Variants in PCDH15 observed in about 807,000 individuals in gnomAD.
The protein encoded by PCDH15 is protocadherin related 15.
In PCDH15, 129 loss-of-function variants were observed where a neutral mutation model predicts 178.5. The observed-to-expected ratio is 0.72, with a 90% CI of 0.63 to 0.84. The LOEUF (loss-of-function observed/expected upper bound fraction) is 0.84, where lower values mean the gene tolerates loss of function less well. Ranked by LOEUF, PCDH15 falls within the 40% of genes least tolerant of loss-of-function variation. The pLI is 0.00. For missense variants in PCDH15, 2,230 were observed against 2,099.9 expected (o/e 1.06, Z -1.21); for synonymous variants, 800 against 732.0 (o/e 1.09, Z -1.50).
chr10:54,795,950 C>T (rs935671102), intron 1 of PCDH15, among the ~76,000 whole-genome samples: 6 of 151,846 alleles, frequency 4.0e-5, no homozygotes, highest in African/African-American at 1.4e-4. Flanking sequence ...TGCTTGCATG[C>T]TTTATGTATG....
intron 2 of PCDH15, among the ~76,000 whole-genome samples, chr10:54,609,743 C>T (rs2092899715): frequency 6.6e-6 from 1 of 151,900 alleles, no homozygotes; most frequent in Non-Finnish European, 1.5e-5. Flanking sequence ...TTCTTAACCA[C>T]CTCCCTCTCC....
chr10:54,329,113 T>TAAATGATAGCC lies in PCDH15; in HGVS notation c.705+472_705+482dup, dbSNP rs1462442955. 2.0e-5 allele frequency among the ~76,000 whole-genome samples: 3 copies of TAAATGATAGCC among 151,870 alleles called. No individual in the cohort carries two copies. The East Asian group carries it at 5.8e-4, about 29-fold the overall frequency. On this transcript the variant is annotated intron_variant, in intron 7 of 37. Coordinates refer to ENST00000644397, the MANE Select transcript of PCDH15 (RefSeq NM_001384140.1). ...TGATATCTAGTGAACAATTACTCAATAAATGATAGCCATGAGGAAGAACAC... is the reference window on the plus strand; with the variant it reads ...TGATATCTAGTGAACAATTACTCAATAAATGATAGCCAAATGATAGCCATGAGGAAGAACAC...
intron 8 of PCDH15, among the ~76,000 whole-genome samples, chr10:54,286,229 C>T (rs2059018335): frequency 6.6e-6 from 1 of 152,096 alleles, no homozygotes; most frequent in Admixed American, 6.6e-5. Flanking sequence ...AAAATGATAA[C>T]TGTGTGAGAT....
intron 8 of PCDH15, among the ~76,000 whole-genome samples, chr10:54,239,571 A>G (rs191732330): frequency 6.6e-5 from 10 of 152,104 alleles, no homozygotes; most frequent in African/African-American, 2.4e-4. Flanking sequence ...TATTTTACAT[A>G]AAGCCATTTG....
intron 3 of PCDH15, among the ~76,000 whole-genome samples, chr10:54,482,912 G>A (rs564097901): frequency 6.6e-6 from 1 of 151,824 alleles, no homozygotes; most frequent in Non-Finnish European, 1.5e-5. Context: ...ACTATGCAAG[G>A]AGTAAAATAT....
chr10:54,843,623 T>C (rs932372956), intron 3 of PCDH15, among the ~76,000 whole-genome samples: 1 of 152,046 alleles, frequency 6.6e-6, no homozygotes, highest in South Asian at 2.1e-4. Flanking sequence ...TGCTCAATTC[T>C]TATATTTTAA....
chr10:55,027,266 C>T (rs1449007436), intron 2 of PCDH15, among the ~76,000 whole-genome samples: 4 of 151,584 alleles, frequency 2.6e-5, no homozygotes, highest in African/African-American at 9.7e-5. Context: ...AGTTGGCAAT[C>T]AAAATATTAA....
intron 2 of PCDH15, among the ~76,000 whole-genome samples, chr10:55,071,184 A>G (rs7900907): frequency 6.6e-6 from 1 of 151,850 alleles, no homozygotes; most frequent in Admixed American, 6.6e-5. Context: ...GAAGAAACTG[A>G]ATCAACTAAT....
chr10:54,682,752 T>C lies in PCDH15; in HGVS notation c.-28-18462A>G, dbSNP rs1213590505. On this transcript the variant is annotated intron_variant, in intron 1 of 37. Coordinates refer to ENST00000644397, the MANE Select transcript of PCDH15 (RefSeq NM_001384140.1). ...AAATAGCTACCCATGTGTGTGTGCA[T>C]AGTGATGTCAGAAGTTCTTAACTGA... Among the ~76,000 whole-genome samples the C allele has an allele frequency of 2.7e-4, 41 of 152,142 alleles. 1 individual carries two copies. The highest frequency in any genetic ancestry group is 2.6e-3 in the Admixed American group (40 of 15,262).
intron 25 of PCDH15, among the ~76,000 whole-genome samples, chr10:53,906,300 T>C (rs2082678234): frequency 6.6e-6 from 1 of 152,168 alleles, no homozygotes; most frequent in South Asian, 2.1e-4. Context: ...AGTTGTTATG[T>C]ATCCCTCCTT....
chr10:54,470,543 C>G (rs965871249), intron 3 of PCDH15, among the ~76,000 whole-genome samples: 3 of 152,128 alleles, frequency 2.0e-5, no homozygotes, highest in African/African-American at 7.2e-5. Context: ...GGCACCCATT[C>G]TTAACTCCCT....
chr10:54,466,542 G>A (rs1247941929), intron 3 of PCDH15, among the ~76,000 whole-genome samples: 1 of 151,846 alleles, frequency 6.6e-6, no homozygotes. Context: ...CTGTATGTCT[G>A]TTTTTGTATC....
chr10:55,573,437 A>C (rs901657719), intron 2 of PCDH15, among the ~76,000 whole-genome samples: 5 of 152,132 alleles, frequency 3.3e-5, no homozygotes, highest in Non-Finnish European at 7.4e-5. Flanking sequence ...TTCTCTCAAC[A>C]TTGTAGTTTA....
At chr10:54,586,877 T>A (rs1252351001) in intron 2 of PCDH15, among the ~76,000 whole-genome samples, 1 of 152,152 alleles carries the variant, frequency 6.6e-6, no homozygotes, top group Non-Finnish European at 1.5e-5. Context: ...TGGGTATATT[T>A]TCAAATGAAT....
chr10:54,071,487 A>T (rs1017365178), intron 17 of PCDH15, among the ~76,000 whole-genome samples: 2 of 152,122 alleles, frequency 1.3e-5, no homozygotes, highest in African/African-American at 4.8e-5. Context: ...TTTTTTTATC[A>T]TTTAATTTTT....
At chr10:55,607,896 A>G (rs993766429) in intron 2 of PCDH15, among the ~76,000 whole-genome samples, 3 of 152,138 alleles carry the variant, frequency 2.0e-5, no homozygotes, top group African/African-American at 7.2e-5. Context: ...CTTAAAGTAT[A>G]ATAATAAAAA....
At position 55,195,024 on chromosome 10, in the gene PCDH15, T is replaced by A. The variant is rs796918632; in HGVS notation, c.-155-28373A>T. On this transcript the variant is annotated intron_variant, in intron 1 of 5. Coordinates refer to the PCDH15 transcript ENST00000458638. ...ACACACAAGACATGGAAGAAGAAAA[T>A]TTTTTTTTTTTTTTTTGGAGACGGA... Among the ~76,000 whole-genome samples, 65 of 111,236 alleles carry A rather than the reference T, an allele frequency of 5.8e-4. 1 individual carries two copies. The highest frequency in any genetic ancestry group is 1.9e-3 in the African/African-American group (59 of 31,436). The allele number at this position is 111,236 out of a possible 152,430, so 73.0% of individuals were successfully genotyped here. A position where few individuals can be genotyped will look rare whatever the true frequency, so the allele number is the denominator to read the frequency against.
chr10:55,138,762 C>A (rs561583497), intron 2 of PCDH15, among the ~76,000 whole-genome samples: 248 of 152,214 alleles, frequency 1.6e-3, no homozygotes, highest in African/African-American at 5.8e-3. Flanking sequence ...CAAAATTGTA[C>A]TGTGTCCTCC....
intron 2 of PCDH15, among the ~76,000 whole-genome samples, chr10:55,088,111 T>C (rs780741616): frequency 1.3e-5 from 2 of 152,134 alleles, no homozygotes; most frequent in Non-Finnish European, 2.9e-5. Flanking sequence ...ACACATAAAC[T>C]ACTCTTGTGT....
Sources: allele counts gnomAD v4.1 joint callset (sites outside exome capture counted in the v4.1 genomes callset), GRCh38; gene constraint gnomAD v4.1.1; transcripts MANE v1.5; gene names NCBI Gene and HGNC (gene_info 2026-07-23, HGNC 2026-07-21).